KNTC1: variants seen among roughly 807,000 people sequenced by gnomAD.
KNTC1 encodes the protein kinetochore-associated protein 1.
KNTC1 carries 253 observed loss-of-function variants against 314.4 expected under a neutral mutation model. The ratio of observed to expected loss-of-function variants is 0.80; its 90% CI spans 0.73 to 0.89. The LOEUF (loss-of-function observed/expected upper bound fraction) is 0.89, where lower values mean the gene tolerates loss of function less well. KNTC1 is among the 40% of genes least tolerant of loss of function. The probability of loss-of-function intolerance (pLI) is 0.00; values close to 1 mark genes in which losing one functional copy is unlikely to be tolerated. For missense variants in KNTC1, 2,475 were observed against 2,572.9 expected (o/e 0.96, Z 0.82); for synonymous variants, 901 against 901.4 (o/e 1.00, Z 0.01).
chr12:122,564,665 T>C (rs1372439568), intron 20 of KNTC1, among the ~76,000 whole-genome samples: 2 of 152,002 alleles, frequency 1.3e-5, no homozygotes, highest in African/African-American at 4.8e-5. Context: ...AGAAATGCAG[T>C]CTCTCTGTGT....
chr12:122,624,694 G>C lies in KNTC1; in HGVS notation c.6606+6G>C. ...CTCCCTGTGAAATTCTGAAGGTAAA[G>C]CTGATGGAAAGTTCTTAGGTTCTAA... On this transcript the variant is annotated splice_donor_region_variant and intron_variant, in intron 63 of 63. Transcript: ENST00000333479. 1 of 1,607,198 alleles carries C rather than the reference G, an allele frequency of 6.2e-7. No individual in the cohort carries two copies. Among genetic ancestry groups the C allele is most frequent in the Non-Finnish European group, 8.5e-7 (1 of 1,173,740 alleles).
At chr12:122,561,796 C>G (rs1963993379) in intron 18 of KNTC1, 125 bp from the exon 19 acceptor site, 3 of 676,754 alleles carry the variant, frequency 4.4e-6, no homozygotes, top group Admixed American at 3.0e-5. Context: ...TTATAGTTTA[C>G]TATTCATTTC....
intron 20 of KNTC1, among the ~76,000 whole-genome samples, chr12:122,566,464 C>T (rs959221298): frequency 2.2e-4 from 34 of 151,632 alleles, no homozygotes; most frequent in African/African-American, 7.7e-4. Context: ...GGCTGGAGTG[C>T]AGTGGCATGA....
chr12:122,592,241 G>A (rs1458624935), intron 42 of KNTC1, among the ~76,000 whole-genome samples: 13 of 152,210 alleles, frequency 8.5e-5, no homozygotes, highest in Admixed American at 8.5e-4. Flanking sequence ...CTTTCTCGCC[G>A]GGCCTTAGCT....
intron 2 of KNTC1, among the ~76,000 whole-genome samples, chr12:122,533,749 C>CCT (rs1961570433): frequency 6.6e-6 from 1 of 150,416 alleles, no homozygotes; most frequent in African/African-American, 2.5e-5. Flanking sequence ...GGGGAATTTT[C>CCT]AAGGATTACA....
chr12:122,598,896 ACCT>A (rs142929523), intron 44 of KNTC1, among the ~76,000 whole-genome samples: 387 of 151,146 alleles, frequency 2.6e-3, no homozygotes, highest in Non-Finnish European at 4.0e-3. Context: ...GGCAGCCTTG[ACCT>A]CCTGGGCTCA....
At chr12:122,594,018 G>C (rs998753835) in intron 42 of KNTC1, 2 of 429,592 alleles carry the variant, frequency 4.7e-6, no homozygotes, top group African/African-American at 4.0e-5. Context: ...TAATGGAACT[G>C]GTGTTCTGTT....
chr12:122,547,764 G>A, intron 11 of KNTC1, 151 bp from the exon 12 acceptor site: 1 of 609,760 alleles, frequency 1.6e-6, no homozygotes, highest in South Asian at 2.2e-5. Flanking sequence ...GGAATACAGT[G>A]TCTATTACAT....
rs749366363 is a variant in KNTC1, at chr12:122,576,865, A to G, written c.2587-30A>G. The G allele has an allele frequency of 4.6e-6, 7 of 1,511,178 alleles. No individual in the cohort carries two copies. The South Asian group carries it at 9.3e-5, about 20-fold the overall frequency. 93.6% of individuals were successfully genotyped at this position (1,511,178 alleles called of 1,614,324 possible). On this transcript the variant is annotated intron_variant, in intron 29 of 63. Transcript: ENST00000333479. ...TTCTTGGTTTTCTGTGAGTTCTATAACAAAGAAATGTTCATATTGTCTTTT... is the reference window on the plus strand; with the variant it reads ...TTCTTGGTTTTCTGTGAGTTCTATAGCAAAGAAATGTTCATATTGTCTTTT...
At position 122,562,634 on chromosome 12, in the gene KNTC1, T is replaced by G. The variant is rs1308128825; in HGVS notation, c.1543-4T>G. ...TTCAGATTATTAAATTATTTTTTCT[T>G]CAGGTGCTAAGAGCTCATGCAAAAT... is the stretch of plus-strand genomic sequence containing the variant. On this transcript the variant is annotated splice_polypyrimidine_tract_variant and splice_region_variant and intron_variant, in intron 19 of 63. Transcript: ENST00000333479. 3.2e-6 allele frequency: 5 copies of G among 1,557,852 alleles called. No homozygotes were observed. In the South Asian group the frequency reaches 5.6e-5, roughly 17 times the overall value.
At chr12:122,598,421 C>CTTTTTTTTTTTTTTTT (rs11395342) in intron 44 of KNTC1, among the ~76,000 whole-genome samples, 30 of 124,280 alleles carry the variant, frequency 2.4e-4, no homozygotes, top group Non-Finnish European at 3.7e-4. Context: ...TTTTTCTTTT[C>CTTTTTTTTTTTTTTTT]TTTTTTTTTT....
intron 21 of KNTC1, among the ~76,000 whole-genome samples, chr12:122,568,739 G>A (rs1214493796): frequency 6.6e-6 from 1 of 152,112 alleles, no homozygotes; most frequent in Non-Finnish European, 1.5e-5. Context: ...AGGAGGCTGA[G>A]GCAGGGGAAT....
chr12:122,605,216 T>C, intron 50 of KNTC1, 90 bp from the exon 51 acceptor site: 3 of 1,063,270 alleles, frequency 2.8e-6, no homozygotes, highest in Non-Finnish European at 4.1e-6. Flanking sequence ...TATATGTGTA[T>C]GTATGTGCAT....
rs546067080 is a variant in KNTC1 at position 122,585,644 on chromosome 12, T to C, written c.3543T>C (p.Phe1181=). 255 of 1,613,868 alleles carry C rather than the reference T, an allele frequency of 1.6e-4. 2 individuals carry two copies. The South Asian group carries it at 2.5e-3, about 16-fold the overall frequency. Residue 1181 remains phenylalanine, a synonymous_variant, in exon 37 of 64, where the codon TTT becomes TTC. Transcript: ENST00000333479. ...TATGATTTGGCACCTAGGCTTCTTT[T>C]GGGACACATAAAGATCCATATGAAG... The part of the protein sequence containing the change: ...DDCGILMKAS[F]GTHKDPYEEW...
intron 10 of KNTC1, 122 bp downstream of exon 10, chr12:122,546,796 T>C (rs1342011827): frequency 5.3e-6 from 3 of 568,936 alleles, no homozygotes; most frequent in Non-Finnish European, 3.0e-6. Context: ...GTGCTTTTTT[T>C]CAGTATATGT....
At chr12:122,594,848 T>A in intron 43 of KNTC1, among the ~76,000 whole-genome samples, 1 of 152,260 alleles carries the variant, frequency 6.6e-6, no homozygotes, top group South Asian at 2.1e-4. Flanking sequence ...TAATTTCCTA[T>A]TAAAAATGTT....
At position 122,594,286 on chromosome 12, in the gene KNTC1, A is replaced by G; in HGVS notation, c.4256A>G (p.Gln1419Arg). 3 of 1,595,902 alleles carry G rather than the reference A, an allele frequency of 1.9e-6. No homozygotes were observed. Among genetic ancestry groups the G allele is most frequent in the Non-Finnish European group, 2.6e-6 (3 of 1,165,140 alleles). ...IRLGKLGISF[Q>R]PVFRQHFLTK... is the part of the protein sequence containing the mutation. ...TCTTTTTATTTCTAGATTTCTTTTC[A>G]ACCAGTTTTCAGGCAACATTTTCTC... Residue 1419 changes from glutamine (Q) to arginine (R), a missense_variant, in exon 43 of 64, where the codon CAA becomes CGA. Physicochemically the swap from Gln to Arg is conservative, Grantham distance 43. Transcript: ENST00000333479.
intron 4 of KNTC1, among the ~76,000 whole-genome samples, chr12:122,539,470 T>A (rs557344181): frequency 6.6e-6 from 1 of 152,332 alleles, no homozygotes; most frequent in African/African-American, 2.4e-5. Flanking sequence ...TTTAGTAGGC[T>A]TGTGGCTCAA....
rs374757441 is a variant in KNTC1, at chr12:122,621,861, C to T, written c.6280-20C>T. The T allele has an allele frequency of 1.3e-4, 189 of 1,475,064 alleles. No homozygotes were observed. Among genetic ancestry groups the T allele is most frequent in the Non-Finnish European group, 1.7e-4 (183 of 1,072,922 alleles). The allele number at this position is 1,475,064 out of a possible 1,614,324, so 91.4% of individuals were successfully genotyped here. ...AAATAATAACAATTTTCTATTAATT[C>T]TGCTTTGATTTTTCTCTAGAATTTT... On this transcript the variant is annotated intron_variant, in intron 60 of 63. Coordinates refer to ENST00000333479, the MANE Select transcript of KNTC1 (RefSeq NM_014708.6).
Sources: gnomAD v4.1 joint callset for allele counts (sites outside exome capture counted in the v4.1 genomes callset) on GRCh38, gnomAD v4.1.1 for gene constraint, MANE v1.5 for transcripts, NCBI Gene and HGNC (gene_info 2026-07-23, HGNC 2026-07-21) for gene names.